PDZD2: variants seen among roughly 807,000 people sequenced by gnomAD.
PDZD2 encodes the protein PDZ domain-containing protein 2.
PDZD2 carries 90 observed loss-of-function variants against 220.7 expected under a neutral mutation model. The ratio of observed to expected loss-of-function variants is 0.41; its 90% CI spans 0.34 to 0.49. The LOEUF is 0.49. Ranked by LOEUF, PDZD2 falls within the 20% of genes least tolerant of loss-of-function variation. The pLI is 0.28. For missense variants in PDZD2, 3,174 were observed against 3,608.5 expected (o/e 0.88, Z 3.08); for synonymous variants, 1,375 against 1,450.5 (o/e 0.95, Z 1.18).
rs201398838 is a variant in PDZD2 at position 32,091,045 on chromosome 5, G to A, written c.7597G>A (p.Glu2533Lys). 111 of 1,613,816 alleles carry A rather than the reference G, an allele frequency of 6.9e-5. No individual in the cohort carries two copies. In the East Asian group the frequency reaches 8.7e-4, roughly 13 times the overall value. The change falls in exon 20 of 25, where the codon GAG (glutamate) becomes AAG (lysine). Residue 2533 changes from glutamate (E) to lysine (K), a missense_variant. Transcript: ENST00000438447. ...TCCTGCTGGAGGCGTTTCGTGTCCC[G>A]AGAAGGGCGGGAACAGGGCCTGTCC... ...GPPAGGVSCP[E>K]KGGNRACPGG...
At chr5:31,752,086 T>TTTTTTTTTTTTTTTTTTTTTG (rs1363350646) in intron 1 of PDZD2, among the ~76,000 whole-genome samples, 2 of 137,300 alleles carry the variant, frequency 1.5e-5, no homozygotes, top group African/African-American at 2.7e-5. Flanking sequence ...TTTTTTTTTT[T>TTTTTTTTTTTTTTTTTTTTTG]TTTTCTGAGA....
chr5:31,677,121 T>A (rs1017977062), intron 1 of PDZD2, among the ~76,000 whole-genome samples: 13 of 152,138 alleles, frequency 8.5e-5, no homozygotes, highest in African/African-American at 3.1e-4. Context: ...AAGTGGTTCA[T>A]GGCTGATAAG....
At chr5:32,031,769 T>G (rs1445694781) in intron 6 of PDZD2, among the ~76,000 whole-genome samples, 1 of 152,222 alleles carries the variant, frequency 6.6e-6, no homozygotes, top group African/African-American at 2.4e-5. Context: ...CATTAGGTAC[T>G]CCACAGTGAA....
At chr5:31,815,245 C>CAAAAAAAAAA (rs59040987) in intron 2 of PDZD2, among the ~76,000 whole-genome samples, 11 of 57,936 alleles carry the variant, frequency 1.9e-4, no homozygotes, top group African/African-American at 6.8e-4. Context: ...AACTCTGTCT[C>CAAAAAAAAAA]AAAAAAAAAA....
chr5:31,674,291 T>C (rs1442114366), intron 1 of PDZD2, among the ~76,000 whole-genome samples: 2 of 151,798 alleles, frequency 1.3e-5, no homozygotes, highest in Admixed American at 1.3e-4. Flanking sequence ...AAAAATCGAG[T>C]CAAGAGAGTG....
In PDZD2 at chr5:31,869,373, C is replaced by T. The variant is rs546100108; in HGVS notation, c.476+69649C>T. Among the ~76,000 whole-genome samples, 8 of 152,100 alleles carry T rather than the reference C, an allele frequency of 5.3e-5. No homozygotes were observed. The South Asian group carries it at 1.5e-3, about 28-fold the overall frequency. On this transcript the variant is annotated intron_variant, in intron 2 of 24. Transcript: ENST00000438447. Reference sequence around the variant, plus strand: ...AGTCCATCTCTTTTTTTCTGCCTCCCCCACCCCTTGGAACAGAAATGTATT... The same window carrying T: ...AGTCCATCTCTTTTTTTCTGCCTCCTCCACCCCTTGGAACAGAAATGTATT...
intron 2 of PDZD2, among the ~76,000 whole-genome samples, chr5:31,937,675 G>A (rs886158456): frequency 2.6e-5 from 4 of 152,166 alleles, no homozygotes; most frequent in African/African-American, 9.7e-5. Flanking sequence ...GAGGAGGAAC[G>A]GCACCTCCTG....
chr5:32,072,453 G>A lies in PDZD2; in HGVS notation c.2725+136G>A, dbSNP rs1366257890. On this transcript the variant is annotated intron_variant, in intron 17 of 24. Coordinates refer to ENST00000438447, the MANE Select transcript of PDZD2 (RefSeq NM_178140.4). ...CGAGAAAAGAGCTGGAGACCAGGCC[G>A]GGCGCGGTGGCTCACGCCTGTAATC... 1.8e-5 allele frequency: 13 copies of A among 708,772 alleles called. No individual in the cohort carries two copies. The Middle Eastern group carries it at 1.2e-3, about 66-fold the overall frequency. 43.9% of individuals were successfully genotyped at this position (708,772 alleles called of 1,614,324 possible). A position where few individuals can be genotyped will look rare whatever the true frequency, so the allele number is the denominator to read the frequency against.
chr5:31,696,921 A>G (rs952081802), intron 1 of PDZD2, among the ~76,000 whole-genome samples: 1 of 152,046 alleles, frequency 6.6e-6, no homozygotes, highest in Non-Finnish European at 1.5e-5. Context: ...TGTTCATCTG[A>G]AGGTTCCAGG....
At chr5:31,790,607 G>T (rs1753647374) in intron 1 of PDZD2, among the ~76,000 whole-genome samples, 1 of 151,640 alleles carries the variant, frequency 6.6e-6, no homozygotes, top group Middle Eastern at 3.4e-3. Flanking sequence ...TTTTTTTTAA[G>T]GTATCTAGTC....
chr5:31,670,238 C>T (rs1308281478), intron 1 of PDZD2, among the ~76,000 whole-genome samples: 1 of 152,102 alleles, frequency 6.6e-6, no homozygotes, highest in Non-Finnish European at 1.5e-5. Flanking sequence ...ACTGCTCAGG[C>T]CATCAGTGGG....
At chr5:31,705,785 T>C (rs535353) in intron 1 of PDZD2, among the ~76,000 whole-genome samples, 112,935 of 152,200 alleles carry the variant, frequency 0.74, 42,602 homozygotes, top group East Asian at 0.93. Flanking sequence ...CATGGTGGCT[T>C]ACGCCTATAA....
chr5:31,981,750 C>T (rs1750313215), intron 2 of PDZD2, among the ~76,000 whole-genome samples: 1 of 152,118 alleles, frequency 6.6e-6, no homozygotes, highest in South Asian at 2.1e-4. Context: ...GTGGAGAAGG[C>T]GTTGTCCTGG....
intron 1 of PDZD2, among the ~76,000 whole-genome samples, chr5:31,765,730 G>GA (rs1485611829): frequency 6.6e-6 from 1 of 152,136 alleles, no homozygotes; most frequent in Non-Finnish European, 1.5e-5. Flanking sequence ...GTGTCCTGGG[G>GA]CCCCATGAAA....
chr5:32,030,799 C>T (rs1755058016), intron 6 of PDZD2, among the ~76,000 whole-genome samples: 1 of 152,158 alleles, frequency 6.6e-6, no homozygotes, highest in African/African-American at 2.4e-5. Flanking sequence ...AAGTTCTAGC[C>T]TATTCTCCTC....
intron 20 of PDZD2, among the ~76,000 whole-genome samples, chr5:32,091,905 G>C (rs1185194226): frequency 6.6e-6 from 1 of 152,206 alleles, no homozygotes; most frequent in Non-Finnish European, 1.5e-5. Context: ...CAGAGGAAGA[G>C]AGAGCACAGC....
chr5:31,890,940 G>A (rs1225461382), intron 2 of PDZD2, among the ~76,000 whole-genome samples: 1 of 152,060 alleles, frequency 6.6e-6, no homozygotes, highest in East Asian at 1.9e-4. Flanking sequence ...AGGACAAATG[G>A]CATCCACTTG....
At chr5:32,003,135 C>A (rs796151902) in intron 5 of PDZD2, among the ~76,000 whole-genome samples, 4 of 16,700 alleles carry the variant, frequency 2.4e-4, no homozygotes, top group African/African-American at 2.8e-4. Flanking sequence ...ACACACACAC[C>A]ACACACACAC....
chr5:32,078,754 A>G (rs1470423440), intron 19 of PDZD2, among the ~76,000 whole-genome samples: 1 of 151,478 alleles, frequency 6.6e-6, no homozygotes, highest in Non-Finnish European at 1.5e-5. Context: ...GCAGTGAGCT[A>G]TGATCACGCC....
Sources: gnomAD v4.1 joint callset for allele counts (sites outside exome capture counted in the v4.1 genomes callset) on GRCh38, gnomAD v4.1.1 for gene constraint, MANE v1.5 for transcripts, NCBI Gene and HGNC (gene_info 2026-07-23, HGNC 2026-07-21) for gene names.